The following EXTL3 variants were observed in gnomAD, a reference collection of about 807,000 sequenced individuals.
The protein encoded by EXTL3 is exostosin-like 3.
In EXTL3, 27 loss-of-function variants were observed where a neutral mutation model predicts 69.3. The ratio of observed to expected loss-of-function variants is 0.39; its 90% CI spans 0.29 to 0.54. The LOEUF (loss-of-function observed/expected upper bound fraction) is 0.54, where lower values mean the gene tolerates loss of function less well. Among genes scored for constraint, EXTL3 ranks in the 20% least tolerant of loss-of-function variants. The pLI, the probability that EXTL3 is intolerant of heterozygous loss-of-function variation, is 0.69. For synonymous variants in EXTL3, 511 were observed against 499.4 expected, an observed-to-expected ratio of 1.02 and a Z score of -0.31; for missense variants, 1,003 against 1,231.8, an observed-to-expected ratio of 0.81 and a Z score of 2.78.
chr8:28,688,328 G>A (rs1418420949), intron 1 of EXTL3, among the ~76,000 whole-genome samples: 1 of 152,146 alleles, frequency 6.6e-6, no homozygotes, highest in Non-Finnish European at 1.5e-5. Context: ...GCCTCCTAAA[G>A]TCCTGGGATT....
chr8:28,631,031 C>G (rs10109295), intron 1 of EXTL3, among the ~76,000 whole-genome samples: 58,130 of 152,002 alleles, frequency 0.38, 13,004 homozygotes, highest in African/African-American at 0.63. Context: ...CATTTTGGCA[C>G]AGAATTTGGC....
chr8:28,677,797 A>C lies in EXTL3; in HGVS notation c.-52-35660A>C, dbSNP rs184195979. 2.0e-5 allele frequency among the ~76,000 whole-genome samples: 3 copies of C among 152,346 alleles called. No individual in the cohort carries two copies. In the East Asian group the frequency reaches 5.8e-4, roughly 29 times the overall value. ...GCAGCTATCTGCCTGTGTGCTGCACACTCTGAGTTCAAGACAACAAAATTT... is the reference window on the plus strand; with the variant it reads ...GCAGCTATCTGCCTGTGTGCTGCACCCTCTGAGTTCAAGACAACAAAATTT... On this transcript the variant is annotated intron_variant, in intron 1 of 6. Transcript: ENST00000523149.
At chr8:28,646,055 C>T (rs1169759042) in intron 1 of EXTL3, among the ~76,000 whole-genome samples, 1 of 149,584 alleles carries the variant, frequency 6.7e-6, no homozygotes, top group East Asian at 2.0e-4. Context: ...TAGGGATGGG[C>T]TTTGCCATGT....
At chr8:28,702,065 G>A (rs1800815615) in intron 1 of EXTL3, among the ~76,000 whole-genome samples, 1 of 152,166 alleles carries the variant, frequency 6.6e-6, no homozygotes, top group South Asian at 2.1e-4. Flanking sequence ...TGTGACCCGC[G>A]GCGTTTCTCT....
chr8:28,670,208 C>A lies in EXTL3; in HGVS notation c.-52-43249C>A, dbSNP rs867096811. On this transcript the variant is annotated intron_variant, in intron 1 of 6. Transcript: ENST00000523149. ...TAGGCAGCAGAGTGAGACTCTGTCT[C>A]AAAAAAAAAAAGGTTGGGGGGAGAT... Among the ~76,000 whole-genome samples, 596 of 80,372 alleles carry A rather than the reference C, an allele frequency of 7.4e-3. 3 individuals carry two copies. Among genetic ancestry groups the A allele is most frequent in the South Asian group, 9.7e-3 (19 of 1,966 alleles). The allele number at this position is 80,372 out of a possible 152,430, so 52.7% of individuals were successfully genotyped here.
At chr8:28,737,354 C>A (rs1801674468) in intron 4 of EXTL3, among the ~76,000 whole-genome samples, 165 bp from the exon 5 acceptor site, 1 of 152,180 alleles carries the variant, frequency 6.6e-6, no homozygotes, top group Non-Finnish European at 1.5e-5. Flanking sequence ...ACCTTATTTG[C>A]TTTTATCCTG....
At chr8:28,746,306 A>G (rs74661764) in intron 6 of EXTL3, among the ~76,000 whole-genome samples, 415 of 152,332 alleles carry the variant, frequency 2.7e-3, no homozygotes, top group Admixed American at 5.4e-3. Context: ...CAAGGAGAAC[A>G]CAGAATATAA....
At chr8:28,672,014 A>G (rs1807302590) in intron 1 of EXTL3, among the ~76,000 whole-genome samples, 1 of 152,184 alleles carries the variant, frequency 6.6e-6, no homozygotes, top group Non-Finnish European at 1.5e-5. Flanking sequence ...CGCTTTCCCA[A>G]CATTTAACTT....
At position 28,713,548 on chromosome 8, in the gene EXTL3, A is replaced by G. The variant is rs1231210920; in HGVS notation, c.-478A>G. Reference sequence around the variant, plus strand: ...AGAGGAAGGAAGGGTCCTGAAACACATGGTGAGGAAGGAATGAGTCAGCTG... The same window carrying G: ...AGAGGAAGGAAGGGTCCTGAAACACGTGGTGAGGAAGGAATGAGTCAGCTG... On this transcript the variant is annotated splice_region_variant and 5_prime_UTR_variant, in exon 2 of 7. It removes an upstream start codon present in the reference 5' UTR. Transcript: ENST00000220562. The G allele has an allele frequency of 5.7e-6, 4 of 702,338 alleles. No homozygotes were observed. The highest frequency in any genetic ancestry group is 2.7e-5 in the East Asian group (1 of 37,264). 43.5% of individuals were successfully genotyped at this position (702,338 alleles called of 1,614,324 possible).
chr8:28,619,326 G>C, upstream of EXTL3, among the ~76,000 whole-genome samples: 1 of 118,304 alleles, frequency 8.5e-6, no homozygotes, highest in Non-Finnish European at 1.7e-5. Context: ...CCCTGTGTGA[G>C]CCCTGGACGC....
chr8:28,658,752 T>C (rs1213150896), intron 1 of EXTL3, among the ~76,000 whole-genome samples: 1 of 152,178 alleles, frequency 6.6e-6, no homozygotes, highest in African/African-American at 2.4e-5. Context: ...GGCTAATTTT[T>C]GTATTTTTAG....
intron 1 of EXTL3, among the ~76,000 whole-genome samples, chr8:28,710,952 G>A (rs1429140846): frequency 6.6e-6 from 1 of 151,878 alleles, no homozygotes. Flanking sequence ...TAGAGTAGGT[G>A]TTTATTTTTC....
In EXTL3 at chr8:28,716,558, G is replaced by A. The variant is rs1207644267; in HGVS notation, c.499G>A (p.Gly167Ser). The A allele has an allele frequency of 2.9e-5, 47 of 1,614,004 alleles. No homozygotes were observed. The highest frequency in any genetic ancestry group is 1.8e-4 in the East Asian group (8 of 44,898). Residue 167 changes from glycine to serine, a missense_variant, in exon 3 of 7, where the codon GGC (glycine) becomes AGC (serine). Coordinates refer to ENST00000220562, the MANE Select transcript of EXTL3 (RefSeq NM_001440.4). This position sits in a 1 kb window ranked among gnomAD's most constrained non-coding sequence, Gnocchi z 7.1. ...IRLLPEKDDAGLPPPKATRGC... is the reference protein window; with the variant it reads ...IRLLPEKDDASLPPPKATRGC... ...ACTGCTCCCAGAGAAGGACGATGCC[G>A]GCCTCCCTCCCCCGAAGGCCACTCG...
At chr8:28,608,686 A>C (rs1806235304) in intron 2 of EXTL3, among the ~76,000 whole-genome samples, 1 of 151,856 alleles carries the variant, frequency 6.6e-6, no homozygotes, top group Non-Finnish European at 1.5e-5. Flanking sequence ...AACATGGTGG[A>C]ACCTGGTCTC....
intron 3 of EXTL3, among the ~76,000 whole-genome samples, chr8:28,719,242 G>A (rs1282291714): frequency 6.6e-6 from 1 of 152,222 alleles, no homozygotes; most frequent in East Asian, 1.9e-4. Context: ...GGATTAAGTA[G>A]TCATTTCGTG....
intron 1 of EXTL3, among the ~76,000 whole-genome samples, chr8:28,667,222 A>G (rs1319986896): frequency 1.3e-5 from 2 of 152,230 alleles, no homozygotes; most frequent in Non-Finnish European, 2.9e-5. Flanking sequence ...TAACAGTGGC[A>G]GCTGGGGATT....
intron 1 of EXTL3, among the ~76,000 whole-genome samples, chr8:28,650,568 A>G (rs1806903292): frequency 6.6e-6 from 1 of 152,046 alleles, no homozygotes; most frequent in African/African-American, 2.4e-5. Context: ...ATGTTGGGCC[A>G]GGCTGGTCCC....
At chr8:28,726,109 C>G (rs1448344598) in intron 3 of EXTL3, among the ~76,000 whole-genome samples, 2 of 152,114 alleles carry the variant, frequency 1.3e-5, no homozygotes, top group African/African-American at 4.8e-5. Flanking sequence ...GCGCACACCA[C>G]CACGCCCGGC....
In EXTL3 at chr8:28,750,942, C is replaced by T; in HGVS notation, c.*76C>T. 1.5e-6 allele frequency: 2 copies of T among 1,332,566 alleles called. No homozygotes were observed. Among genetic ancestry groups the T allele is most frequent in the Non-Finnish European group, 2.1e-6 (2 of 937,064 alleles). The allele number at this position is 1,332,566 out of a possible 1,614,324, so 82.5% of individuals were successfully genotyped here. A position where few individuals can be genotyped will look rare whatever the true frequency, so the allele number is the denominator to read the frequency against. ...CCCAAGGTTCCTAGGCATTGCAGGA[C>T]CTTGGGCACATCTGCTGGTGGGTGG... is the stretch of plus-strand genomic sequence containing the variant. On this transcript the variant is annotated 3_prime_UTR_variant, in exon 7 of 7. Transcript: ENST00000220562. This position sits in a 1 kb window ranked among gnomAD's most constrained non-coding sequence, Gnocchi z 5.2.
Sources: allele counts gnomAD v4.1 joint callset (sites outside exome capture counted in the v4.1 genomes callset), GRCh38; gene constraint gnomAD v4.1.1; non-coding constraint Gnocchi (gnomAD v3.1); transcripts MANE v1.5; gene names NCBI Gene and HGNC (gene_info 2026-07-23, HGNC 2026-07-21).